RGL2: variants seen among roughly 807,000 people sequenced by gnomAD.
RGL2 encodes ral guanine nucleotide dissociation stimulator-like 2.
Under a neutral mutation model 84.6 loss-of-function variants are expected in RGL2, and 40 were observed. That is an observed-to-expected ratio of 0.47 (90% CI 0.37 to 0.62). RGL2 has a LOEUF of 0.62. Among genes scored for constraint, RGL2 ranks in the 20% least tolerant of loss-of-function variants. RGL2 has a pLI of 0.00. For missense variants in RGL2, 865 were observed against 1,019.7 expected, an observed-to-expected ratio of 0.85 and a Z score of 2.07; for synonymous variants, 369 against 417.3, an observed-to-expected ratio of 0.88 and a Z score of 1.41.
chr6:33,296,133 G>T lies in RGL2; in HGVS notation c.663C>A (p.Asp221Glu), dbSNP rs200815167. 5.1e-5 allele frequency: 83 copies of T among 1,613,812 alleles called. No individual in the cohort carries two copies. The highest frequency in any genetic ancestry group is 5.1e-5 in the Non-Finnish European group (60 of 1,180,010). The change falls in exon 6 of 18, where the codon GAC (aspartate) becomes GAA (glutamate). Residue 221 changes from aspartate to glutamate, a missense_variant. Coordinates refer to ENST00000497454, the MANE Select transcript of RGL2 (RefSeq NM_004761.5). The surrounding 1 kb of genome is among the most constrained non-coding windows in gnomAD (Gnocchi z 5.0). The part of the protein sequence containing the change: ...LRSRVDPQAP[D>E]LPKPLALPGD... ...CGGGGAGGGCCAGGGGCTTAGGAAGGTCGGGGGCCTGGGGGTCCACCCGGG... is the reference window on the plus strand; with the variant it reads ...CGGGGAGGGCCAGGGGCTTAGGAAGTTCGGGGGCCTGGGGGTCCACCCGGG...
Position 33,294,984 on chromosome 6 carries a change from C to T in RGL2, c.1271G>A (p.Arg424Gln), listed in dbSNP as rs866886735. 6 of 1,577,846 alleles carry T rather than the reference C, an allele frequency of 3.8e-6. No individual in the cohort carries two copies. Among genetic ancestry groups the T allele is most frequent in the Admixed American group, 3.6e-5 (2 of 55,994 alleles). The change falls in exon 10 of 18, where the codon CGG becomes CAG. Residue 424 changes from arginine to glutamine, a missense_variant. By Grantham distance (43) the Arg-to-Gln change is conservative. Coordinates refer to ENST00000497454, the MANE Select transcript of RGL2 (RefSeq NM_004761.5). This position sits in a 1 kb window ranked among gnomAD's most constrained non-coding sequence, Gnocchi z 5.0. ...HSKKAPRSGSRGGGVVPYLGT... is the reference protein window; with the variant it reads ...HSKKAPRSGSQGGGVVPYLGT... Reference sequence around the variant, plus strand: ...ACCCCGCTAGTCACTCACCCCACCCCGGGAGCCAGACCTCGGGGCCTTCTT... The same window carrying T: ...ACCCCGCTAGTCACTCACCCCACCCTGGGAGCCAGACCTCGGGGCCTTCTT...
rs1308432458 is a variant in RGL2 at position 33,293,053 on chromosome 6, T to A, written c.1970A>T (p.Glu657Val). The change falls in exon 16 of 18, where the codon GAG becomes GTG. Residue 657 changes from glutamate (E) to valine (V), a missense_variant. Transcript: ENST00000497454. The surrounding 1 kb of genome is among the most constrained non-coding windows in gnomAD (Gnocchi z 7.0). The part of the protein sequence containing the change: ...SDCRIIRVQM[E>V]LGEDGSVYKS... ...ATAGACACTGCCATCTTCCCCCAACTCCATCTGGACTCGGATGATACGGCA... is the reference window on the plus strand; with the variant it reads ...ATAGACACTGCCATCTTCCCCCAACACCATCTGGACTCGGATGATACGGCA... 6.2e-7 allele frequency: 1 copy of A among 1,614,062 alleles called. No individual in the cohort carries two copies. Among genetic ancestry groups the A allele is most frequent in the South Asian group, 1.1e-5 (1 of 91,084 alleles).
rs190926940 is a variant in RGL2, at chr6:33,291,882, G to A, written c.*220C>T. 1.7e-6 allele frequency: 1 copy of A among 605,298 alleles called. No homozygotes were observed. The highest frequency in any genetic ancestry group is 2.9e-6 in the Non-Finnish European group (1 of 340,800). The allele number at this position is 605,298 out of a possible 1,614,324, so 37.5% of individuals were successfully genotyped here. On this transcript the variant is annotated 3_prime_UTR_variant, in exon 18 of 18. Transcript: ENST00000497454. ...CCTGTGTGCTGCACTCATGGAAGGTGGGAAGCTATACACAGGTATCCAACT... is the reference window on the plus strand; with the variant it reads ...CCTGTGTGCTGCACTCATGGAAGGTAGGAAGCTATACACAGGTATCCAACT...
Position 33,295,998 on chromosome 6 carries a change from G to C in RGL2, c.768+30C>G. 6.2e-7 allele frequency: 1 copy of C among 1,612,738 alleles called. No homozygotes were observed. The highest frequency in any genetic ancestry group is 1.1e-5 in the South Asian group (1 of 90,914). On this transcript the variant is annotated intron_variant, in intron 6 of 17. Transcript: ENST00000497454. This position sits in a 1 kb window ranked among gnomAD's most constrained non-coding sequence, Gnocchi z 7.2. ...AAGGAGAGGTTAGTAAGGGGTCAGG[G>C]GGCATAGGGGCCAGAGGTCAGGGTC...
In RGL2 at chr6:33,294,010, A is replaced by C; in HGVS notation, c.1386+24T>G. 2 of 1,613,936 alleles carry C rather than the reference A, an allele frequency of 1.2e-6. No homozygotes were observed. Among genetic ancestry groups the C allele is most frequent in the East Asian group, 4.5e-5 (2 of 44,870 alleles). ...TGGAACATGGATAGGGAAGTCCAGC[A>C]TCCAGCCCAGACACTCCGCTCACCT... On this transcript the variant is annotated intron_variant, in intron 12 of 17. Coordinates refer to ENST00000497454, the MANE Select transcript of RGL2 (RefSeq NM_004761.5). The surrounding 1 kb of genome is among the most constrained non-coding windows in gnomAD (Gnocchi z 5.0).
upstream of RGL2, chr6:33,300,435 G>C (rs1380410392): frequency 4.6e-5 from 7 of 152,182 alleles, no homozygotes; most frequent in East Asian, 1.3e-3. Context: ...GCCGAGGCGG[G>C]CAGATCACAA....
chr6:33,294,974 C>T lies in RGL2; in HGVS notation c.1278+3G>A. On this transcript the variant is annotated splice_donor_region_variant and intron_variant, in intron 10 of 17. Transcript: ENST00000497454. The surrounding 1 kb of genome is among the most constrained non-coding windows in gnomAD (Gnocchi z 5.0). ...CACGCCCACCACCCCGCTAGTCACT[C>T]ACCCCACCCCGGGAGCCAGACCTCG... 6.4e-7 allele frequency: 1 copy of T among 1,572,506 alleles called. No homozygotes were observed. Among genetic ancestry groups the T allele is most frequent in the South Asian group, 1.2e-5 (1 of 85,928 alleles).
chr6:33,291,746 C>G lies in RGL2; in HGVS notation c.*356G>C, dbSNP rs1767405803. On this transcript the variant is annotated 3_prime_UTR_variant, in exon 18 of 18. Coordinates refer to ENST00000497454, the MANE Select transcript of RGL2 (RefSeq NM_004761.5). ...GAAGAAGAGCTCCTGCGAGGACCTA[C>G]ATTTTGCCATTCCCCTCTGCCCTGG... 2 of 447,168 alleles carry G rather than the reference C, an allele frequency of 4.5e-6. No individual in the cohort carries two copies. Among genetic ancestry groups the G allele is most frequent in the Non-Finnish European group, 8.0e-6 (2 of 248,990 alleles). The allele number at this position is 447,168 out of a possible 1,614,324, so 27.7% of individuals were successfully genotyped here. A position where few individuals can be genotyped will look rare whatever the true frequency, so the allele number is the denominator to read the frequency against.
rs1325006121 is a variant in RGL2, at chr6:33,293,060, G to C, written c.1963C>G (p.Gln655Glu). Residue 655 changes from glutamine (Q) to glutamate (E), a missense_variant, in exon 16 of 18, where the codon CAG (glutamine) becomes GAG (glutamate). Transcript: ENST00000497454. This position sits in a 1 kb window ranked among gnomAD's most constrained non-coding sequence, Gnocchi z 7.0. ...GASDCRIIRVQMELGEDGSVY... is the reference protein window; with the variant it reads ...GASDCRIIRVEMELGEDGSVY... The stretch of plus-strand genomic sequence containing the variant: ...CTGCCATCTTCCCCCAACTCCATCT[G>C]GACTCGGATGATACGGCAATCAGAG... 2 of 1,614,028 alleles carry C rather than the reference G, an allele frequency of 1.2e-6. No homozygotes were observed. The highest frequency in any genetic ancestry group is 2.7e-5 in the African/African-American group (2 of 74,930).
rs564810436 is a variant in RGL2, at chr6:33,296,136, G to A, written c.660C>T (p.Pro220=). Residue 220 remains proline (P), a synonymous_variant, in exon 6 of 18, where the codon CCC becomes CCT. Transcript: ENST00000497454. This position sits in a 1 kb window ranked among gnomAD's most constrained non-coding sequence, Gnocchi z 5.0. ...GGAGGGCCAGGGGCTTAGGAAGGTC[G>A]GGGGCCTGGGGGTCCACCCGGGACC... The part of the protein sequence containing the change: ...NLRSRVDPQA[P]DLPKPLALPG... 21 of 1,613,926 alleles carry A rather than the reference G, an allele frequency of 1.3e-5. No homozygotes were observed. Among genetic ancestry groups the A allele is most frequent in the East Asian group, 2.2e-5 (1 of 44,860 alleles).
At position 33,296,772 on chromosome 6, in the gene RGL2, G is replaced by A; in HGVS notation, c.245C>T (p.Pro82Leu). The part of the protein sequence containing the change: ...RQYRPLDPLV[P>L]MPPPRSSRRL... ...TCGGGAGGAACGTGGGGGAGGCATA[G>A]GGACCTGGAGAACACAGAGAGATGA... The change falls in exon 4 of 18, where the codon CCT becomes CTT. Residue 82 changes from proline (P) to leucine (L), a missense_variant. Around this residue, in one of 5 missense-constraint regions of RGL2, gnomAD observed 455 missense variants for 507.8 expected, o/e 0.90. Transcript: ENST00000497454. This position sits in a 1 kb window ranked among gnomAD's most constrained non-coding sequence, Gnocchi z 5.0. The A allele has an allele frequency of 6.2e-7, 1 of 1,614,032 alleles. No individual in the cohort carries two copies. The highest frequency in any genetic ancestry group is 8.5e-7 in the Non-Finnish European group (1 of 1,180,032).
Position 33,292,072 on chromosome 6 carries a change from T to C in RGL2, c.*30A>G, listed in dbSNP as rs1394560687. On this transcript the variant is annotated 3_prime_UTR_variant, in exon 18 of 18. Transcript: ENST00000497454. ...CTACCCACATCTGGTATGAACACCATGACTTCTGTAAGCCAACGGGGCTTC... is the reference window on the plus strand; with the variant it reads ...CTACCCACATCTGGTATGAACACCACGACTTCTGTAAGCCAACGGGGCTTC... 6.2e-7 allele frequency: 1 copy of C among 1,611,044 alleles called. No homozygotes were observed. Among genetic ancestry groups the C allele is most frequent in the African/African-American group, 1.3e-5 (1 of 74,858 alleles).
chr6:33,296,569 C>T lies in RGL2; in HGVS notation c.419+29G>A, dbSNP rs1444397613. ...CTTTAGGAAATCCGGGCAGATACTC[C>T]ACTACCCTGCGTCCCTTATGACTCT... On this transcript the variant is annotated intron_variant, in intron 4 of 17. Transcript: ENST00000497454. This position sits in a 1 kb window ranked among gnomAD's most constrained non-coding sequence, Gnocchi z 5.0. 1.2e-6 allele frequency: 2 copies of T among 1,601,420 alleles called. No homozygotes were observed. The highest frequency in any genetic ancestry group is 8.5e-7 in the Non-Finnish European group (1 of 1,173,260).
chr6:33,297,076 C>A lies in RGL2; in HGVS notation c.196G>T (p.Val66Leu). 1 of 1,571,372 alleles carries A rather than the reference C, an allele frequency of 6.4e-7. No individual in the cohort carries two copies. The highest frequency in any genetic ancestry group is 8.6e-7 in the Non-Finnish European group (1 of 1,161,814). ...SVWDEEEDGA[V>L]FTVTSRQYRP... ...TATTGGCGGCTTGTGACGGTAAACA[C>A]GGCACCATCCTCCTCCTCATCCCAG... Residue 66 changes from valine to leucine, a missense_variant, in exon 3 of 18, where the codon GTG becomes TTG. This residue lies in a region of RGL2 where 455 missense variants were observed against 507.8 expected (regional missense o/e 0.90). Coordinates refer to ENST00000497454, the MANE Select transcript of RGL2 (RefSeq NM_004761.5). The surrounding 1 kb of genome is among the most constrained non-coding windows in gnomAD (Gnocchi z 4.0).
In RGL2 at chr6:33,297,299, C is replaced by T; in HGVS notation, c.157-184G>A. 1.9e-6 allele frequency: 1 copy of T among 527,064 alleles called. No homozygotes were observed. The highest frequency in any genetic ancestry group is 3.6e-5 in the Admixed American group (1 of 27,690). 32.6% of individuals were successfully genotyped at this position (527,064 alleles called of 1,614,324 possible). On this transcript the variant is annotated intron_variant, in intron 2 of 17. Coordinates refer to ENST00000497454, the MANE Select transcript of RGL2 (RefSeq NM_004761.5). The surrounding 1 kb of genome is among the most constrained non-coding windows in gnomAD (Gnocchi z 4.0). ...CAGGTCTCCCCCACTGGGGCCCAGA[C>T]AGCCCCACCCCAGCCGCCTCAGGGC...
Position 33,293,094 on chromosome 6 carries a change from C to T in RGL2, c.1929G>A (p.Gly643=), listed in dbSNP as rs1180998427. ...GGTGYGGEGS[G]PGASDCRIIR... ...TGATACGGCAATCAGAGGCCCCTGG[C>T]CCAGATCCCTCTCCCCCATATCCAG... The change falls in exon 16 of 18, where the codon GGG becomes GGA. Residue 643 remains glycine (G), a synonymous_variant. Coordinates refer to ENST00000497454, the MANE Select transcript of RGL2 (RefSeq NM_004761.5). This position sits in a 1 kb window ranked among gnomAD's most constrained non-coding sequence, Gnocchi z 7.0. 14 of 1,614,066 alleles carry T rather than the reference C, an allele frequency of 8.7e-6. No homozygotes were observed. The highest frequency in any genetic ancestry group is 1.2e-5 in the Non-Finnish European group (14 of 1,180,040).
rs551077117 is a variant in RGL2 at position 33,296,193 on chromosome 6, C to A, written c.603G>T (p.Gly201=). The change falls in exon 6 of 18, where the codon GGG becomes GGT. Residue 201 remains glycine (G), a synonymous_variant. Transcript: ENST00000497454. This position sits in a 1 kb window ranked among gnomAD's most constrained non-coding sequence, Gnocchi z 5.0. ...QTGYAAGKGV[G]GGSADLIRNL... Reference sequence around the variant, plus strand: ...TGCGGATGAGGTCAGCGCTGCCCCCCCCAACACCCTTCCCTGCTGCATACC... The same window carrying A: ...TGCGGATGAGGTCAGCGCTGCCCCCACCAACACCCTTCCCTGCTGCATACC... 31 of 1,613,854 alleles carry A rather than the reference C, an allele frequency of 1.9e-5. No individual in the cohort carries two copies. The Admixed American group carries it at 2.7e-4, about 14-fold the overall frequency.
In RGL2 at chr6:33,298,919, C is replaced by T. The variant is rs1482295878; in HGVS notation, c.-91G>A. On this transcript the variant is annotated 5_prime_UTR_variant, in exon 1 of 18. Transcript: ENST00000497454. The surrounding 1 kb of genome is among the most constrained non-coding windows in gnomAD (Gnocchi z 4.8). ...GTGGGTCCTGAGCCGCTGTTGCCGT[C>T]GGTCTCCGGCCCCGGACCGAGTCCC... 4 of 286,768 alleles carry T rather than the reference C, an allele frequency of 1.4e-5. No individual in the cohort carries two copies. The highest frequency in any genetic ancestry group is 1.9e-5 in the Non-Finnish European group (3 of 154,280). 17.8% of individuals were successfully genotyped at this position (286,768 alleles called of 1,614,324 possible).
At position 33,294,138 on chromosome 6, in the gene RGL2, T is replaced by C. The variant is rs955468300; in HGVS notation, c.1354-72A>G. The C allele has an allele frequency of 1.3e-6, 2 of 1,543,898 alleles. No homozygotes were observed. The highest frequency in any genetic ancestry group is 3.6e-5 in the Admixed American group (2 of 55,716). On this transcript the variant is annotated intron_variant, in intron 11 of 17. Coordinates refer to ENST00000497454, the MANE Select transcript of RGL2 (RefSeq NM_004761.5). The surrounding 1 kb of genome is among the most constrained non-coding windows in gnomAD (Gnocchi z 5.0). The stretch of plus-strand genomic sequence containing the variant: ...GGCCACAGAGAGAGAATATCCCCTC[T>C]CTTAAACACACACAGCCACATCCAA...
Sources: gnomAD v4.1 joint callset for allele counts on GRCh38, gnomAD v4.1.1 for gene constraint, gnomAD v4.1.1 regional missense constraint, Gnocchi (gnomAD v3.1) non-coding constraint, MANE v1.5 for transcripts, NCBI Gene and HGNC (gene_info 2026-07-23, HGNC 2026-07-21) for gene names.